Variants in ITGA6 observed in about 807,000 individuals in gnomAD.
ITGA6 encodes integrin alpha-6.
A neutral mutation model predicts 133.6 loss-of-function variants in ITGA6; 63 were observed. The ratio of observed to expected loss-of-function variants is 0.47; its 90% CI spans 0.38 to 0.58. The LOEUF is 0.58. Ranked by LOEUF, ITGA6 falls within the 20% of genes least tolerant of loss-of-function variation. The pLI is 0.00. For missense variants in ITGA6, 1,068 were observed against 1,309.4 expected, an observed-to-expected ratio of 0.82 and a Z score of 2.85; for synonymous variants, 434 against 482.0, an observed-to-expected ratio of 0.90 and a Z score of 1.30.
chr2:172,467,276 A>G (rs1574364577), intron 2 of ITGA6, among the ~76,000 whole-genome samples: 1 of 152,224 alleles, frequency 6.6e-6, no homozygotes, highest in African/African-American at 2.4e-5. Context: ...TAAGTACTTT[A>G]TGTTTCAAAT....
intron 11 of ITGA6, among the ~76,000 whole-genome samples, chr2:172,484,562 A>G (rs1214451566): frequency 6.7e-6 from 1 of 149,714 alleles, no homozygotes; most frequent in Non-Finnish European, 1.5e-5. Flanking sequence ...AGGTGGCACA[A>G]TGAAAATTTA....
At position 172,487,134 on chromosome 2, in the gene ITGA6, C is replaced by A; in HGVS notation, c.1966C>A (p.Pro656Thr). 1 of 1,583,232 alleles carries A rather than the reference C, an allele frequency of 6.3e-7. No individual in the cohort carries two copies. The highest frequency in any genetic ancestry group is 8.7e-7 in the Non-Finnish European group (1 of 1,152,044). The change falls in exon 14 of 26, where the codon CCA becomes ACA. Residue 656 changes from proline to threonine, a missense_variant. Transcript: ENST00000684293. ...EGNQDKFSYL[P>T]IQKGVPELVL... ...AAATCAAGACAAATTTTCTTATTTA[C>A]CAATGTAAGAATCGTTGTGTAGCAC...
chr2:172,486,416 G>C (rs1686681248), intron 13 of ITGA6, among the ~76,000 whole-genome samples: 1 of 151,994 alleles, frequency 6.6e-6, no homozygotes, highest in African/African-American at 2.4e-5. Context: ...TACATTCCCA[G>C]CTCCATAGCT....
Position 172,480,049 on chromosome 2 carries a change from T to C in ITGA6, c.1547T>C (p.Ile516Thr), listed in dbSNP as rs980261911. The C allele has an allele frequency of 2.0e-6, 3 of 1,522,618 alleles. No individual in the cohort carries two copies. The highest frequency in any genetic ancestry group is 2.7e-6 in the Non-Finnish European group (3 of 1,096,906). 94.3% of individuals were successfully genotyped at this position (1,522,618 alleles called of 1,614,324 possible). A position where few individuals can be genotyped will look rare whatever the true frequency, so the allele number is the denominator to read the frequency against. Residue 516 changes from isoleucine (I) to threonine (T), a missense_variant and splice_region_variant, in exon 11 of 26, where the codon ATA (isoleucine) becomes ACA (threonine). Transcript: ENST00000684293. ...AACCCCGCTGGTTATAATCCTTCAA[T>C]ATGTAAGTACCTAGTACCTTTAAAA... The part of the protein sequence containing the change: ...TANPAGYNPS[I>T]SIVGTLEAEK...
In ITGA6 at chr2:172,427,702, G is replaced by A. The variant is rs1009299930; in HGVS notation, c.-87G>A. On this transcript the variant is annotated 5_prime_UTR_variant, in exon 1 of 26. Transcript: ENST00000684293. The stretch of plus-strand genomic sequence containing the variant: ...GGCGAGAGGAGGCGAAGGTGGCTGC[G>A]GTAGCAGCAGCGCGGCAGCCTCGGA... The A allele has an allele frequency of 5.2e-5, 71 of 1,378,200 alleles. No homozygotes were observed. The highest frequency in any genetic ancestry group is 5.8e-5 in the Non-Finnish European group (62 of 1,066,806). The allele number at this position is 1,378,200 out of a possible 1,614,324, so 85.4% of individuals were successfully genotyped here.
chr2:172,490,482 A>G lies in ITGA6; in HGVS notation c.2680-542A>G, dbSNP rs144606412. 6.6e-5 allele frequency among the ~76,000 whole-genome samples: 10 copies of G among 152,364 alleles called. No homozygotes were observed. The East Asian group carries it at 1.7e-3, about 26-fold the overall frequency. ...TGGCTTATAGCATGATCTTCTACTC[A>G]TCAATGTTAAAAATCAAGATAATCG... On this transcript the variant is annotated intron_variant, in intron 20 of 25. Transcript: ENST00000684293.
At position 172,475,640 on chromosome 2, in the gene ITGA6, T is replaced by C. The variant is rs372569624; in HGVS notation, c.1224T>C (p.Phe408=). The change falls in exon 8 of 26, where the codon TTT becomes TTC. Residue 408 remains phenylalanine (F), a synonymous_variant. Transcript: ENST00000684293. ...GAPYDDLGKV[F]IYHGSANGIN... ...CGTATGATGACTTGGGAAAGGTTTT[T>C]ATCTATCATGGATCTGCAAATGGAA... 2 of 1,608,816 alleles carry C rather than the reference T, an allele frequency of 1.2e-6. No homozygotes were observed. Among genetic ancestry groups the C allele is most frequent in the African/African-American group, 2.7e-5 (2 of 74,836 alleles).
At chr2:172,477,307 C>T (rs750341783) in intron 9 of ITGA6, among the ~76,000 whole-genome samples, 17 of 152,248 alleles carry the variant, frequency 1.1e-4, no homozygotes, top group Non-Finnish European at 1.8e-4. Context: ...CTTTAACCAG[C>T]GCTTTCATCA....
chr2:172,428,025 G>T (rs1683931496), intron 1 of ITGA6, 55 bp downstream of exon 1: 1 of 1,561,644 alleles, frequency 6.4e-7, no homozygotes. Context: ...CGCGCGAGTT[G>T]AGGCGAGGGC....
intron 1 of ITGA6, among the ~76,000 whole-genome samples, chr2:172,433,670 C>T (rs967784114): frequency 2.0e-5 from 3 of 152,186 alleles, no homozygotes; most frequent in Non-Finnish European, 2.9e-5. Flanking sequence ...CCCTGCTTCC[C>T]GGCCTGTGCT....
intron 1 of ITGA6, among the ~76,000 whole-genome samples, chr2:172,434,751 A>G (rs7564174): frequency 0.024 from 3,706 of 152,200 alleles, 137 homozygotes; most frequent in African/African-American, 0.084. Context: ...TATATTTTGC[A>G]TGTCATACAA....
At chr2:172,439,619 T>C (rs1684461241) in intron 1 of ITGA6, among the ~76,000 whole-genome samples, 1 of 151,946 alleles carries the variant, frequency 6.6e-6, no homozygotes, top group East Asian at 1.9e-4. Context: ...TCGAAGACAT[T>C]GCAAGCTTTT....
chr2:172,454,556 T>C (rs1191382375), intron 1 of ITGA6, among the ~76,000 whole-genome samples: 1 of 152,210 alleles, frequency 6.6e-6, no homozygotes, highest in East Asian at 1.9e-4. Context: ...AAGCCATTGT[T>C]AGGATCTGAG....
chr2:172,427,423 G>C (rs887913899), upstream of ITGA6: 19 of 1,029,050 alleles, frequency 1.8e-5, no homozygotes, highest in African/African-American at 2.7e-4. Flanking sequence ...CTCCCACGTC[G>C]TGGCTTCCGG....
At chr2:172,457,716 C>T (rs187526359) in intron 1 of ITGA6, among the ~76,000 whole-genome samples, 4 of 152,206 alleles carry the variant, frequency 2.6e-5, no homozygotes, top group Admixed American at 6.5e-5. Flanking sequence ...ATAAGAGAGA[C>T]GTTGTGGTAA....
At chr2:172,486,163 A>C (rs1574397882) in intron 13 of ITGA6, among the ~76,000 whole-genome samples, 1 of 132,028 alleles carries the variant, frequency 7.6e-6, no homozygotes, top group South Asian at 2.7e-4. Flanking sequence ...CAAAAAGAGT[A>C]AGACTCTATC....
intron 1 of ITGA6, among the ~76,000 whole-genome samples, chr2:172,448,087 T>C (rs1684839616): frequency 6.6e-6 from 1 of 152,176 alleles, no homozygotes; most frequent in South Asian, 2.1e-4. Flanking sequence ...AGTTCTAGCA[T>C]GCTCTTTCAA....
Position 172,471,195 on chromosome 2 carries a change from T to C in ITGA6, c.775+90T>C. ...GCAGGGCCTATGGCCCCTGGACTTC[T>C]AGGCTGAGAAGAGGCCAGGTGGGGC... On this transcript the variant is annotated intron_variant, in intron 5 of 25. Transcript: ENST00000684293. The C allele has an allele frequency of 4.6e-6, 7 of 1,516,678 alleles. 1 individual carries two copies. The highest frequency in any genetic ancestry group is 6.4e-6 in the Non-Finnish European group (7 of 1,096,468). The allele number at this position is 1,516,678 out of a possible 1,614,324, so 94.0% of individuals were successfully genotyped here.
At chr2:172,493,154 T>C (rs1202782745) in intron 23 of ITGA6, among the ~76,000 whole-genome samples, 1 of 152,118 alleles carries the variant, frequency 6.6e-6, no homozygotes. Context: ...GCAATCCGCC[T>C]GCCTCAGCCT....
Sources: gnomAD v4.1 joint callset for allele counts (sites outside exome capture counted in the v4.1 genomes callset) on GRCh38, gnomAD v4.1.1 for gene constraint, MANE v1.5 for transcripts, NCBI Gene and HGNC (gene_info 2026-07-23, HGNC 2026-07-21) for gene names.